RBFOX1: variants seen among roughly 807,000 people sequenced by gnomAD.
RBFOX1 encodes RNA binding fox-1 homolog 1.
RBFOX1 carries 8 observed loss-of-function variants against 57.7 expected under a neutral mutation model. The observed-to-expected ratio is 0.14, with a 90% CI of 0.08 to 0.25. The LOEUF is 0.25. Among genes scored for constraint, RBFOX1 ranks in the 10% least tolerant of loss-of-function variants. RBFOX1 has a pLI of 1.00. For synonymous variants in RBFOX1, 326 were observed against 222.4 expected (o/e 1.47, Z -4.15); for missense variants, 611 against 548.5 (o/e 1.11, Z -1.14).
intron 1 of RBFOX1, among the ~76,000 whole-genome samples, chr16:5,294,635 A>G (rs533197669): frequency 1.3e-3 from 192 of 152,138 alleles, no homozygotes; most frequent in African/African-American, 4.2e-3. Flanking sequence ...TGACCTAGGA[A>G]CTATTTCTGA....
chr16:5,535,884 A>AG (rs1229408295), intron 2 of RBFOX1, among the ~76,000 whole-genome samples: 1 of 152,188 alleles, frequency 6.6e-6, no homozygotes, highest in Non-Finnish European at 1.5e-5. Context: ...ATGGCTGAAG[A>AG]GGGGCGTACT....
At chr16:5,492,680 C>T (rs535644012) in intron 2 of RBFOX1, among the ~76,000 whole-genome samples, 6 of 152,098 alleles carry the variant, frequency 3.9e-5, no homozygotes, top group African/African-American at 1.2e-4. Flanking sequence ...TGCTTGTCTT[C>T]AGCTTTCCAA....
At chr16:7,682,967 A>T (rs2075141355) in intron 14 of RBFOX1, among the ~76,000 whole-genome samples, 1 of 47,436 alleles carries the variant, frequency 2.1e-5, no homozygotes, top group Non-Finnish European at 4.1e-5. Context: ...TACAAAGCAC[A>T]CATGCCAGAT....
chr16:7,083,610 C>T (rs1054349916), intron 4 of RBFOX1, among the ~76,000 whole-genome samples: 3 of 152,070 alleles, frequency 2.0e-5, no homozygotes, highest in African/African-American at 7.2e-5. Context: ...CTCAGATGCA[C>T]AAGAAACAAC....
At chr16:7,292,229 G>C (rs9934001) in intron 4 of RBFOX1, among the ~76,000 whole-genome samples, 2 of 103,040 alleles carry the variant, frequency 1.9e-5, no homozygotes, top group African/African-American at 9.5e-5. Context: ...ATATGATATA[G>C]AACGTATTAT....
At chr16:6,156,862 C>G (rs1054367411) in intron 1 of RBFOX1, among the ~76,000 whole-genome samples, 39 of 152,234 alleles carry the variant, frequency 2.6e-4, no homozygotes, top group African/African-American at 8.9e-4. Context: ...TTTTAAGAGA[C>G]AGGGTCTTCT....
chr16:7,462,847 C>G (rs8048158), intron 4 of RBFOX1, among the ~76,000 whole-genome samples: 74,454 of 152,024 alleles, frequency 0.49, 18,465 homozygotes, highest in Middle Eastern at 0.63. Flanking sequence ...CTCCATGTTT[C>G]TCTTTTGCCA....
intron 2 of RBFOX1, among the ~76,000 whole-genome samples, chr16:6,515,832 A>C (rs1378733619): frequency 6.6e-6 from 1 of 151,882 alleles, no homozygotes; most frequent in African/African-American, 2.4e-5. Flanking sequence ...CACCCACCCT[A>C]ATGGCCTCTT....
intron 1 of RBFOX1, among the ~76,000 whole-genome samples, chr16:5,418,844 C>G (rs1049426066): frequency 3.9e-5 from 6 of 152,184 alleles, no homozygotes; most frequent in South Asian, 2.1e-4. Context: ...CAGACTTTGT[C>G]CTTGTGAACC....
chr16:7,515,853 T>C (rs2076237885), intron 4 of RBFOX1, among the ~76,000 whole-genome samples: 2 of 151,958 alleles, frequency 1.3e-5, no homozygotes, highest in Non-Finnish European at 2.9e-5. Flanking sequence ...TTGTTGTTGT[T>C]GTTGTTGTTG....
At chr16:6,587,010 TTGTG>T (rs140293624) in intron 2 of RBFOX1, among the ~76,000 whole-genome samples, 1 of 150,678 alleles carries the variant, frequency 6.6e-6, no homozygotes, top group Non-Finnish European at 1.5e-5. Flanking sequence ...CCCCTGTTTA[TTGTG>T]TGTGTGTGTG....
At chr16:6,535,149 C>G (rs181887048) in intron 2 of RBFOX1, among the ~76,000 whole-genome samples, 7 of 152,260 alleles carry the variant, frequency 4.6e-5, no homozygotes, top group African/African-American at 1.7e-4. Context: ...AAAACGTGTG[C>G]TGGTTTGTCT....
chr16:6,586,273 C>T (rs892222458), intron 2 of RBFOX1, among the ~76,000 whole-genome samples: 1 of 152,188 alleles, frequency 6.6e-6, no homozygotes, highest in Non-Finnish European at 1.5e-5. Flanking sequence ...AACCACTCGT[C>T]TTACAACCTC....
At chr16:6,872,036 A>G (rs1450491075) in intron 3 of RBFOX1, among the ~76,000 whole-genome samples, 1 of 150,976 alleles carries the variant, frequency 6.6e-6, no homozygotes, top group Non-Finnish European at 1.5e-5. Context: ...GATTGTGTGT[A>G]GGTATCGTTT....
chr16:6,806,805 A>ATAAATAT (rs1567330735), intron 3 of RBFOX1, among the ~76,000 whole-genome samples: 2 of 110,262 alleles, frequency 1.8e-5, no homozygotes, highest in Non-Finnish European at 3.7e-5. Flanking sequence ...TATATATATA[A>ATAAATAT]ATAAATATAT....
chr16:5,700,296 T>C (rs1329555610), intron 3 of RBFOX1, among the ~76,000 whole-genome samples: 2 of 152,222 alleles, frequency 1.3e-5, no homozygotes, highest in Non-Finnish European at 2.9e-5. Flanking sequence ...TTTGACAGTT[T>C]TTTTTTTGGC....
intron 4 of RBFOX1, among the ~76,000 whole-genome samples, chr16:7,185,199 C>T (rs558145438): frequency 6.6e-6 from 1 of 151,812 alleles, no homozygotes; most frequent in South Asian, 2.1e-4. Context: ...TTATACCTCT[C>T]TCTCTCTCTC....
Position 5,720,953 on chromosome 16 carries a change from C to G in RBFOX1, c.318+121992C>G, listed in dbSNP as rs143800136. 2.0e-3 allele frequency among the ~76,000 whole-genome samples: 304 copies of G among 152,262 alleles called. 1 individual carries two copies. The highest frequency in any genetic ancestry group is 3.9e-3 in the South Asian group (19 of 4,824). On this transcript the variant is annotated intron_variant, in intron 3 of 19. Transcript: ENST00000641259. ...TCAGTGAATTTCAGAGTCAGCTTGTCAATTTCAGCCGAAATGGCAAGTGAA... is the reference window on the plus strand; with the variant it reads ...TCAGTGAATTTCAGAGTCAGCTTGTGAATTTCAGCCGAAATGGCAAGTGAA...
At chr16:6,977,083 C>A (rs9924960) in intron 3 of RBFOX1, among the ~76,000 whole-genome samples, 2 of 137,014 alleles carry the variant, frequency 1.5e-5, no homozygotes, top group Non-Finnish European at 3.1e-5. Context: ...CATATATGAT[C>A]TATATTTTAT....
Sources: gnomAD v4.1 joint callset for allele counts (sites outside exome capture counted in the v4.1 genomes callset) on GRCh38, gnomAD v4.1.1 for gene constraint, MANE v1.5 for transcripts, NCBI Gene and HGNC (gene_info 2026-07-23, HGNC 2026-07-21) for gene names.